Variants in KLHL5 observed in about 807,000 individuals in gnomAD.
The protein encoded by KLHL5 is kelch-like protein 5.
KLHL5 carries 48 observed loss-of-function variants against 77.7 expected under a neutral mutation model. The ratio of observed to expected loss-of-function variants is 0.62; its 90% CI spans 0.49 to 0.79. The LOEUF (loss-of-function observed/expected upper bound fraction) is 0.79, where lower values mean the gene tolerates loss of function less well. Among genes scored for constraint, KLHL5 ranks in the 30% least tolerant of loss-of-function variants. KLHL5 has a pLI of 0.00. For missense variants in KLHL5, 723 were observed against 859.7 expected, an observed-to-expected ratio of 0.84 and a Z score of 1.99; for synonymous variants, 260 against 297.0, an observed-to-expected ratio of 0.88 and a Z score of 1.28.
the KLHL5 span, among the ~76,000 whole-genome samples, chr4:39,142,079 C>G: frequency 6.6e-6 from 1 of 152,164 alleles, no homozygotes; most frequent in Non-Finnish European, 1.5e-5. Context: ...ACAAACTACA[C>G]AGGATCAACT....
rs1718195443 is a variant in KLHL5, at chr4:39,069,411, A to G, written c.383+6376A>G. ...TTCTTTGGATCTAATTTTTAAGTGA[A>G]TTTTTCCCTATTAACATTTTATATA... On this transcript the variant is annotated intron_variant, in intron 1 of 10. Transcript: ENST00000504108. 2.1e-5 allele frequency among the ~76,000 whole-genome samples: 3 copies of G among 143,590 alleles called. No individual in the cohort carries two copies. In the South Asian group the frequency reaches 6.8e-4, roughly 33 times the overall value. The allele number at this position is 143,590 out of a possible 152,430, so 94.2% of individuals were successfully genotyped here.
intron 10 of KLHL5, among the ~76,000 whole-genome samples, chr4:39,118,410 A>G (rs1342398655): frequency 6.6e-6 from 1 of 152,144 alleles, no homozygotes; most frequent in Non-Finnish European, 1.5e-5. Context: ...AGAAAGAAAA[A>G]GTGAAACTGA....
At chr4:39,109,167 C>A (rs1039020744) in intron 8 of KLHL5, among the ~76,000 whole-genome samples, 7 of 152,054 alleles carry the variant, frequency 4.6e-5, no homozygotes, top group Non-Finnish European at 8.8e-5. Context: ...TTGAAAAAAA[C>A]CAACGATGCA....
At position 39,122,591 on chromosome 4, in the gene KLHL5, G is replaced by T. The variant is rs1723271322; in HGVS notation, c.*1525G>T. Among the ~76,000 whole-genome samples, 2 of 152,034 alleles carry T rather than the reference G, an allele frequency of 1.3e-5. No homozygotes were observed. Among genetic ancestry groups the T allele is most frequent in the Non-Finnish European group, 2.9e-5 (2 of 68,028 alleles). ...GAGGCTGAGGTGGGCGGATCACGAG[G>T]TCAGGAGATGGAGACCATCCTGGCT... On this transcript the variant is annotated 3_prime_UTR_variant, in exon 11 of 11. Transcript: ENST00000504108.
downstream of KLHL5, among the ~76,000 whole-genome samples, chr4:39,127,431 G>T (rs1475120931): frequency 6.6e-6 from 1 of 151,934 alleles, no homozygotes; most frequent in South Asian, 2.1e-4. Flanking sequence ...TAAATTTGGG[G>T]GTTTTTTGTT....
chr4:39,052,037 C>G (rs1716691196), intron 1 of KLHL5, among the ~76,000 whole-genome samples: 1 of 152,126 alleles, frequency 6.6e-6, no homozygotes, highest in Non-Finnish European at 1.5e-5. Flanking sequence ...GTATTATCTG[C>G]AGTGCCTTTC....
chr4:39,113,244 G>C lies in KLHL5; in HGVS notation c.1901+12G>C. Reference sequence around the variant, plus strand: ...GACTGTGTGGAAAGGTAATTTCCTGGGAAGAAAAACTAGGAACAAAAAAGA... The same window carrying C: ...GACTGTGTGGAAAGGTAATTTCCTGCGAAGAAAAACTAGGAACAAAAAAGA... On this transcript the variant is annotated intron_variant, in intron 9 of 10. Coordinates refer to ENST00000504108, the MANE Select transcript of KLHL5 (RefSeq NM_015990.5). 2 of 1,602,136 alleles carry C rather than the reference G, an allele frequency of 1.2e-6. No homozygotes were observed. The highest frequency in any genetic ancestry group is 1.7e-6 in the Non-Finnish European group (2 of 1,172,010).
Position 39,082,156 on chromosome 4 carries a change from T to C in KLHL5, c.897T>C (p.Thr299=). 1 of 1,574,590 alleles carries C rather than the reference T, an allele frequency of 6.4e-7. No individual in the cohort carries two copies. The change falls in exon 4 of 11, where the codon ACT becomes ACC. Residue 299 remains threonine (T), a synonymous_variant. Coordinates refer to ENST00000504108, the MANE Select transcript of KLHL5 (RefSeq NM_015990.5). ...TDLHKVAHNY[T]MEHFMEVIRN... ...TGCATAAAGTGGCTCACAATTATAC[T>C]ATGGTATGTATTTTTTGAAGGTGAG...
chr4:39,096,726 G>A lies in KLHL5; in HGVS notation c.1148G>A (p.Arg383Gln), dbSNP rs749379310. 2.9e-5 allele frequency: 46 copies of A among 1,611,790 alleles called. No homozygotes were observed. The highest frequency in any genetic ancestry group is 1.9e-4 in the African/African-American group (14 of 74,662). The change falls in exon 6 of 11, where the codon CGG (arginine) becomes CAG (glutamine). Residue 383 changes from arginine (R) to glutamine (Q), a missense_variant. Around this residue, in one of 3 missense-constraint regions of KLHL5, gnomAD observed 288 missense variants for 400.3 expected, o/e 0.72. Transcript: ENST00000504108. ...LADMENNVLF[R>Q]DDIECQKLIM... The stretch of plus-strand genomic sequence containing the variant: ...GACATGGAAAATAATGTACTTTTTC[G>A]GGATGATATAGAATGTCAGAAACTC...
intron 6 of KLHL5, among the ~76,000 whole-genome samples, chr4:39,098,135 CAAAA>C (rs571749349): frequency 1.4e-5 from 1 of 70,766 alleles, no homozygotes; most frequent in African/African-American, 4.4e-5. Flanking sequence ...GAATCCATCT[CAAAA>C]AAAAAAAAAA....
At chr4:39,059,136 A>G (rs943067610), upstream of KLHL5, among the ~76,000 whole-genome samples, 3 of 152,126 alleles carry the variant, frequency 2.0e-5, no homozygotes, top group African/African-American at 4.8e-5. Flanking sequence ...ACAATTTTAT[A>G]TTGTTGGTGA....
At position 39,081,335 on chromosome 4, in the gene KLHL5, AG is replaced by A; in HGVS notation, c.703+97del. On this transcript the variant is annotated intron_variant, in intron 3 of 10. Transcript: ENST00000504108. This position sits in a 1 kb window ranked among gnomAD's most constrained non-coding sequence, Gnocchi z 4.3. ...TTTTAGAAAGCATGCCATAGCTAAC[AG>A]TTAGTTCTGCTATTGTCATTACTAC... The A allele has an allele frequency of 9.5e-7, 1 of 1,050,726 alleles. No homozygotes were observed. The highest frequency in any genetic ancestry group is 2.0e-5 in the South Asian group (1 of 51,186). The allele number at this position is 1,050,726 out of a possible 1,614,324, so 65.1% of individuals were successfully genotyped here.
At chr4:39,100,925 T>C (rs1721474701) in intron 6 of KLHL5, among the ~76,000 whole-genome samples, 2 of 152,100 alleles carry the variant, frequency 1.3e-5, no homozygotes, top group South Asian at 4.1e-4. Context: ...ATTGGACTCT[T>C]GGTCCCTTCA....
At chr4:39,102,906 T>C (rs1254697732) in intron 6 of KLHL5, among the ~76,000 whole-genome samples, 1 of 152,222 alleles carries the variant, frequency 6.6e-6, no homozygotes, top group Non-Finnish European at 1.5e-5. Flanking sequence ...ATAATACTTC[T>C]GAGTCTTCAT....
At position 39,062,670 on chromosome 4, in the gene KLHL5, A is replaced by G. The variant is rs1176754261; in HGVS notation, c.18A>G (p.Lys6=). The change falls in exon 1 of 11, where the codon AAA becomes AAG. Residue 6 remains lysine, a synonymous_variant. Coordinates refer to ENST00000504108, the MANE Select transcript of KLHL5 (RefSeq NM_015990.5). Reference sequence around the variant, plus strand: ...CTCTGAGGATGTCTGGTTCTCGTAAAGAGTTTGATGTGAAACAGATTTTGA... The same window carrying G: ...CTCTGAGGATGTCTGGTTCTCGTAAGGAGTTTGATGTGAAACAGATTTTGA... The part of the protein sequence containing the change: MSGSR[K]EFDVKQILKI... 1 of 1,614,126 alleles carries G rather than the reference A, an allele frequency of 6.2e-7. No homozygotes were observed. Among genetic ancestry groups the G allele is most frequent in the East Asian group, 2.2e-5 (1 of 44,882 alleles).
rs80172963 is a variant in KLHL5, at chr4:39,111,653, G to C, written c.1689-1367G>C. 9.7e-3 allele frequency among the ~76,000 whole-genome samples: 1,474 copies of C among 152,116 alleles called. 130 individuals are homozygous for C. In the East Asian group the frequency reaches 0.21, roughly 22 times the overall value. On this transcript the variant is annotated intron_variant, in intron 8 of 10. Coordinates refer to ENST00000504108, the MANE Select transcript of KLHL5 (RefSeq NM_015990.5). ...TAGTTGATGATAAGAATAATATTAAGAACTAGAACATAAACAAGTTACTAA... is the reference window on the plus strand; with the variant it reads ...TAGTTGATGATAAGAATAATATTAACAACTAGAACATAAACAAGTTACTAA...
At chr4:39,059,197 A>G (rs1417132734), upstream of KLHL5, among the ~76,000 whole-genome samples, 1 of 152,244 alleles carries the variant, frequency 6.6e-6, no homozygotes, top group Non-Finnish European at 1.5e-5. Flanking sequence ...GCTGAATTTC[A>G]TGCCATAAAG....
intron 6 of KLHL5, among the ~76,000 whole-genome samples, chr4:39,102,160 T>C (rs974754566): frequency 9.6e-4 from 146 of 151,552 alleles, no homozygotes; most frequent in African/African-American, 3.3e-3. Context: ...GACCAAATTA[T>C]AACAAATACT....
Position 39,062,708 on chromosome 4 carries a change from G to A in KLHL5, c.56G>A (p.Arg19Lys). 6.2e-7 allele frequency: 1 copy of A among 1,614,116 alleles called. No homozygotes were observed. The highest frequency in any genetic ancestry group is 1.3e-5 in the African/African-American group (1 of 75,044). The change falls in exon 1 of 11, where the codon AGG (arginine) becomes AAG (lysine). Residue 19 changes from arginine to lysine, a missense_variant. This residue lies in a region of KLHL5 where 221 missense variants were observed against 222.1 expected (regional missense o/e 1.00). Transcript: ENST00000504108. ...DVKQILKIRW[R>K]WFGHQASSPN... is the part of the protein sequence containing the mutation. ...AAACAGATTTTGAAAATCAGATGGA[G>A]GTGGTTTGGTCATCAAGCATCATCT...
Sources: gnomAD v4.1 joint callset for allele counts (sites outside exome capture counted in the v4.1 genomes callset) on GRCh38, gnomAD v4.1.1 for gene constraint, gnomAD v4.1.1 regional missense constraint, Gnocchi (gnomAD v3.1) non-coding constraint, MANE v1.5 for transcripts, NCBI Gene and HGNC (gene_info 2026-07-23, HGNC 2026-07-21) for gene names.